The following PDIA3 variants were observed in gnomAD, a reference collection of about 807,000 sequenced individuals.
PDIA3 encodes the protein protein disulfide isomerase family A member 3, also known as protein disulfide-isomerase A3.
Under a neutral mutation model 56.9 loss-of-function variants are expected in PDIA3, and 16 were observed. That is an observed-to-expected ratio of 0.28 (90% CI 0.19 to 0.43). The LOEUF is 0.43. PDIA3 is among the 20% of genes least tolerant of loss of function. The pLI, the probability that PDIA3 is intolerant of heterozygous loss-of-function variation, is 1.00. For synonymous variants in PDIA3, 192 were observed against 216.5 expected, an observed-to-expected ratio of 0.89 and a Z score of 0.99; for missense variants, 485 against 621.3, an observed-to-expected ratio of 0.78 and a Z score of 2.33.
intron 1 of PDIA3, among the ~76,000 whole-genome samples, chr15:43,750,772 C>CA (rs900392033): frequency 0.013 from 1,712 of 134,804 alleles, 35 homozygotes; most frequent in African/African-American, 0.04. Context: ...GACTCCTTCT[C>CA]AAAAAAAAAA....
chr15:43,773,226 G>A lies in PDIA3; in HGVS notation c.*2008G>A, dbSNP rs371465757. 2 of 1,613,690 alleles carry A rather than the reference G, an allele frequency of 1.2e-6. No individual in the cohort carries two copies. Among genetic ancestry groups the A allele is most frequent in the African/African-American group, 2.7e-5 (2 of 74,860 alleles). ...TTTTCTTCTCTGTAACTTGGGTACT[G>A]CTGCAGAGAAAAAGCATCCATGTCA... On this transcript the variant is annotated 3_prime_UTR_variant, in exon 13 of 13. Coordinates refer to ENST00000300289, the MANE Select transcript of PDIA3 (RefSeq NM_005313.5).
chr15:43,755,021 A>G lies in PDIA3; in HGVS notation c.246+1119A>G, dbSNP rs2086769276. ...AAAGATGGAAAGCAGAAGTACAGCTATAAAGGTTAAAATAATCATTGAGGC... is the reference window on the plus strand; with the variant it reads ...AAAGATGGAAAGCAGAAGTACAGCTGTAAAGGTTAAAATAATCATTGAGGC... On this transcript the variant is annotated intron_variant, in intron 2 of 12. Transcript: ENST00000300289. Among the ~76,000 whole-genome samples the G allele has an allele frequency of 3.9e-5, 6 of 152,224 alleles. No homozygotes were observed. In the South Asian group the frequency reaches 1.2e-3, roughly 32 times the overall value.
chr15:43,765,622 A>G, intron 6 of PDIA3, 56 bp downstream of exon 6: 1 of 1,132,958 alleles, frequency 8.8e-7, no homozygotes, highest in African/African-American at 1.5e-5. Flanking sequence ...TAGTTTGTTT[A>G]CCTCAGTTAT....
chr15:43,761,099 G>A (rs1368009879), intron 3 of PDIA3, among the ~76,000 whole-genome samples: 5 of 151,690 alleles, frequency 3.3e-5, no homozygotes, highest in African/African-American at 7.3e-5. Context: ...AAAAGTAGCC[G>A]GGCATGGTGG....
intron 1 of PDIA3, among the ~76,000 whole-genome samples, chr15:43,753,449 T>C (rs1293156969): frequency 6.6e-6 from 1 of 152,200 alleles, no homozygotes; most frequent in Non-Finnish European, 1.5e-5. Flanking sequence ...AATGGGATTA[T>C]TTCTATTTTG....
In PDIA3 at chr15:43,771,093, T is replaced by TA; in HGVS notation, c.1405-12_1405-11insA. 1 of 1,578,306 alleles carries TA rather than the reference T, an allele frequency of 6.3e-7. No individual in the cohort carries two copies. Among genetic ancestry groups the TA allele is most frequent in the Non-Finnish European group, 8.7e-7 (1 of 1,149,246 alleles). On this transcript the variant is annotated splice_polypyrimidine_tract_variant and intron_variant, in intron 12 of 12. Coordinates refer to ENST00000300289, the MANE Select transcript of PDIA3 (RefSeq NM_005313.5). ...AAAAGTTACACTTTTAAGCTGATCTTTCTGTTTTCAGGGTGGCCGTGAATT... is the reference window on the plus strand; with the variant it reads ...AAAAGTTACACTTTTAAGCTGATCTTATCTGTTTTCAGGGTGGCCGTGAATT...
chr15:43,771,076 C>A lies in PDIA3; in HGVS notation c.1405-29C>A. The A allele has an allele frequency of 2.7e-6, 4 of 1,481,366 alleles. No individual in the cohort carries two copies. The South Asian group carries it at 3.5e-5, about 13-fold the overall frequency. 91.8% of individuals were successfully genotyped at this position (1,481,366 alleles called of 1,614,324 possible). A position where few individuals can be genotyped will look rare whatever the true frequency, so the allele number is the denominator to read the frequency against. ...CAGATCAGGGTTCTTTAAAAAGTTA[C>A]ACTTTTAAGCTGATCTTTCTGTTTT... On this transcript the variant is annotated intron_variant, in intron 12 of 12. Transcript: ENST00000300289.
chr15:43,772,354 T>G lies in PDIA3; in HGVS notation c.*1136T>G, dbSNP rs1027407773. The G allele has an allele frequency of 7.2e-5, 11 of 152,262 alleles. No homozygotes were observed. The highest frequency in any genetic ancestry group is 2.0e-4 in the Admixed American group (3 of 15,282). The allele number at this position is 152,262 out of a possible 1,614,324, so 9.4% of individuals were successfully genotyped here. A position where few individuals can be genotyped will look rare whatever the true frequency, so the allele number is the denominator to read the frequency against. On this transcript the variant is annotated 3_prime_UTR_variant, in exon 13 of 13. Transcript: ENST00000300289. ...AAGAATTTTCTTCCTACTATATAATTACAGTATTTAGCTGTCAATTTTAAG... is the reference window on the plus strand; with the variant it reads ...AAGAATTTTCTTCCTACTATATAATGACAGTATTTAGCTGTCAATTTTAAG...
At chr15:43,761,599 G>GA (rs2086816698) in intron 4 of PDIA3, 68 bp downstream of exon 4, 2 of 830,958 alleles carry the variant, frequency 2.4e-6, no homozygotes, top group Non-Finnish European at 4.0e-6. Flanking sequence ...CCATGTCTGG[G>GA]AAAACCACAG....
chr15:43,770,634 A>G, intron 12 of PDIA3, 54 bp downstream of exon 12: 1 of 1,095,012 alleles, frequency 9.1e-7, no homozygotes, highest in Non-Finnish European at 1.4e-6. Flanking sequence ...TAAACACACA[A>G]CCTTAAACAT....
intron 1 of PDIA3, among the ~76,000 whole-genome samples, chr15:43,749,729 G>A (rs928973998): frequency 6.6e-6 from 1 of 152,032 alleles, no homozygotes; most frequent in African/African-American, 2.4e-5. Flanking sequence ...GGAGGCAGTG[G>A]CGAGGTAAGA....
intron 2 of PDIA3, among the ~76,000 whole-genome samples, chr15:43,754,239 C>T (rs1271652832): frequency 1.3e-5 from 2 of 151,834 alleles, no homozygotes; most frequent in East Asian, 3.9e-4. Context: ...ACTAAAAATA[C>T]AAAAATTAGC....
intron 10 of PDIA3, 103 bp downstream of exon 10, chr15:43,769,749 AT>A (rs1333436234): frequency 3.9e-6 from 5 of 1,271,428 alleles, no homozygotes; most frequent in Non-Finnish European, 5.5e-6. Context: ...GTACTGATAG[AT>A]TTTTTTCCCA....
chr15:43,767,574 A>T (rs2141656446), intron 8 of PDIA3, among the ~76,000 whole-genome samples: 1 of 150,192 alleles, frequency 6.7e-6, no homozygotes, highest in South Asian at 2.1e-4. Context: ...GTTAAAGACC[A>T]GCCTGGCCCA....
At chr15:43,760,122 G>A (rs1280313486) in intron 3 of PDIA3, among the ~76,000 whole-genome samples, 1 of 151,808 alleles carries the variant, frequency 6.6e-6, no homozygotes, top group African/African-American at 2.4e-5. Flanking sequence ...GGTTTAACAA[G>A]GCTCATGCCT....
chr15:43,765,770 T>C (rs2086844003), intron 6 of PDIA3, 117 bp from the exon 7 acceptor site: 2 of 1,151,326 alleles, frequency 1.7e-6, no homozygotes. Context: ...TGCTCAGTAC[T>C]TGTTCTAAAT....
chr15:43,768,645 A>G, intron 9 of PDIA3, 48 bp downstream of exon 9: 3 of 1,249,446 alleles, frequency 2.4e-6, no homozygotes, highest in Non-Finnish European at 3.5e-6. Context: ...GCCTGTCCTC[A>G]TTTCTTTGTT....
At chr15:43,770,167 ATTGTT>A in intron 10 of PDIA3, 78 bp from the exon 11 acceptor site, 1 of 1,095,428 alleles carries the variant, frequency 9.1e-7, no homozygotes, top group Non-Finnish European at 1.4e-6. Flanking sequence ...GAAGAATGAG[ATTGTT>A]TTAAGTCTTC....
chr15:43,754,144 C>G (rs2086761874), intron 2 of PDIA3, among the ~76,000 whole-genome samples: 1 of 152,064 alleles, frequency 6.6e-6, no homozygotes, highest in Non-Finnish European at 1.5e-5. Flanking sequence ...GCCTGTAATC[C>G]CAGCACTTTG....
Sources: gnomAD v4.1 joint callset for allele counts (sites outside exome capture counted in the v4.1 genomes callset) on GRCh38, gnomAD v4.1.1 for gene constraint, MANE v1.5 for transcripts, NCBI Gene and HGNC (gene_info 2026-07-23, HGNC 2026-07-21) for gene names.